The following SCMH1 variants were observed in gnomAD, a reference collection of about 807,000 sequenced individuals.
The protein encoded by SCMH1 is polycomb protein SCMH1.
SCMH1 carries 37 observed loss-of-function variants against 70.8 expected under a neutral mutation model. The observed-to-expected ratio is 0.52, with a 90% CI of 0.40 to 0.69. The LOEUF is 0.69. SCMH1 is among the 30% of genes least tolerant of loss of function. SCMH1 has a pLI of 0.00. For synonymous variants in SCMH1, 292 were observed against 307.4 expected, an observed-to-expected ratio of 0.95 and a Z score of 0.52; for missense variants, 607 against 827.3, an observed-to-expected ratio of 0.73 and a Z score of 3.27.
At position 41,161,329 on chromosome 1, in the gene SCMH1, T is replaced by C. The variant is rs529210348; in HGVS notation, c.82+35A>G. 45 of 1,546,484 alleles carry C rather than the reference T, an allele frequency of 2.9e-5. No individual in the cohort carries two copies. The South Asian group carries it at 5.2e-4, about 18-fold the overall frequency. On this transcript the variant is annotated intron_variant, in intron 3 of 14. Coordinates refer to ENST00000337495, the Ensembl canonical transcript of SCMH1. Reference sequence around the variant, plus strand: ...TTATGGGAAAAGATGCCGAGTAAAATTTTTCCACACCAAACGGAGTTTTTT... The same window carrying C: ...TTATGGGAAAAGATGCCGAGTAAAACTTTTCCACACCAAACGGAGTTTTTT...
intron 4 of SCMH1, among the ~76,000 whole-genome samples, chr1:41,158,457 G>T (rs1245477396): frequency 6.6e-6 from 1 of 152,160 alleles, no homozygotes; most frequent in Non-Finnish European, 1.5e-5. Context: ...AGTGTAAAAG[G>T]ATAAGCAGGA....
At chr1:41,085,409 C>T (rs1306333078) in intron 8 of SCMH1, among the ~76,000 whole-genome samples, 1 of 152,140 alleles carries the variant, frequency 6.6e-6, no homozygotes, top group African/African-American at 2.4e-5. Flanking sequence ...CTAAAGGAAA[C>T]ATCTTACTGG....
Position 41,028,321 on chromosome 1 carries a change from T to TG in SCMH1, c.1822-3dup. 1.8e-6 allele frequency: 2 copies of TG among 1,118,252 alleles called. No individual in the cohort carries two copies. The highest frequency in any genetic ancestry group is 2.6e-6 in the Non-Finnish European group (2 of 769,150). 69.3% of individuals were successfully genotyped at this position (1,118,252 alleles called of 1,614,324 possible). ...CAGCAGGGCCTTGCCATCGATCTCC[T>TG]GGGGGGTGGGGAGGTGGGCAGAAGT... On this transcript the variant is annotated splice_polypyrimidine_tract_variant and splice_region_variant and intron_variant, in intron 14 of 14. Transcript: ENST00000337495.
At chr1:41,192,615 A>T (rs751390329) in intron 1 of SCMH1, among the ~76,000 whole-genome samples, 24 of 151,902 alleles carry the variant, frequency 1.6e-4, no homozygotes, top group African/African-American at 5.6e-4. Context: ...ATCCTTTGCT[A>T]CTATTTAGGA....
At chr1:41,196,440 T>A (rs1048795998) in intron 1 of SCMH1, among the ~76,000 whole-genome samples, 2 of 152,128 alleles carry the variant, frequency 1.3e-5, no homozygotes, top group African/African-American at 4.8e-5. Flanking sequence ...GACCATTTAA[T>A]GGGAAAAGGA....
chr1:41,162,557 T>C (rs1309028375), intron 2 of SCMH1, among the ~76,000 whole-genome samples: 1 of 152,116 alleles, frequency 6.6e-6, no homozygotes, highest in Non-Finnish European at 1.5e-5. Context: ...AGGACGAAGA[T>C]ATGACTGAAC....
At chr1:41,044,391 C>G (rs1376889722) in intron 12 of SCMH1, among the ~76,000 whole-genome samples, 1 of 152,026 alleles carries the variant, frequency 6.6e-6, no homozygotes, top group East Asian at 1.9e-4. Context: ...CAGAAAAACA[C>G]AGGAAATGAT....
intron 2 of SCMH1, among the ~76,000 whole-genome samples, chr1:41,169,367 C>T (rs925489277): frequency 6.6e-6 from 1 of 151,996 alleles, no homozygotes; most frequent in Non-Finnish European, 1.5e-5. Context: ...TGCTATAAGC[C>T]CCTTCTGGAG....
intron 8 of SCMH1, among the ~76,000 whole-genome samples, chr1:41,099,574 G>C (rs1017131110): frequency 1.3e-5 from 2 of 152,222 alleles, no homozygotes; most frequent in Non-Finnish European, 2.9e-5. Flanking sequence ...CACTGACTTT[G>C]AAGTCAGAAA....
At chr1:41,131,198 A>C (rs570520680) in intron 6 of SCMH1, among the ~76,000 whole-genome samples, 64 of 152,214 alleles carry the variant, frequency 4.2e-4, no homozygotes, top group Non-Finnish European at 7.2e-4. Context: ...TCAATTGACC[A>C]TAAATTGGTA....
At chr1:41,182,515 G>A (rs964608783) in intron 2 of SCMH1, among the ~76,000 whole-genome samples, 1 of 152,080 alleles carries the variant, frequency 6.6e-6, no homozygotes, top group African/African-American at 2.4e-5. Flanking sequence ...CCAGGAGTTC[G>A]AGAACAGTCT....
At chr1:41,034,143 A>T (rs1005211074) in intron 13 of SCMH1, 95 bp from the exon 14 acceptor site, 2 of 1,497,984 alleles carry the variant, frequency 1.3e-6, no homozygotes, top group Non-Finnish European at 1.8e-6. Context: ...TGACTGACTC[A>T]AGTCTCAAAG....
chr1:41,197,915 T>A (rs1009424822), intron 1 of SCMH1, among the ~76,000 whole-genome samples: 3 of 152,190 alleles, frequency 2.0e-5, no homozygotes, highest in African/African-American at 7.2e-5. Flanking sequence ...CTAATAAACA[T>A]ATTCCTTTTC....
intron 1 of SCMH1, among the ~76,000 whole-genome samples, chr1:41,193,208 G>A (rs149483017): frequency 6.6e-6 from 1 of 152,236 alleles, no homozygotes; most frequent in East Asian, 1.9e-4. Context: ...GTGTTTTTAG[G>A]TATTTTTGTG....
chr1:41,180,139 A>C (rs2148590985), intron 2 of SCMH1, among the ~76,000 whole-genome samples: 1 of 152,324 alleles, frequency 6.6e-6, no homozygotes, highest in Middle Eastern at 3.4e-3. Flanking sequence ...ATAGATGCAG[A>C]AAAGGCCTTT....
rs183417988 is a variant in SCMH1, at chr1:41,137,381, T to C, written c.412+5497A>G. ...CTCCCCTGTTCAACTAAGAGCTATT[T>C]AGATTTTTAAATTTCAAGGCAGATC... On this transcript the variant is annotated intron_variant, in intron 6 of 14. Transcript: ENST00000337495. Among the ~76,000 whole-genome samples the C allele has an allele frequency of 4.9e-3, 741 of 152,272 alleles. 3 individuals carry two copies. Among genetic ancestry groups the C allele is most frequent in the Non-Finnish European group, 7.7e-3 (523 of 68,002 alleles).
chr1:41,134,985 T>C (rs1643031464), intron 6 of SCMH1, among the ~76,000 whole-genome samples: 1 of 152,236 alleles, frequency 6.6e-6, no homozygotes, highest in African/African-American at 2.4e-5. Context: ...TTGAATTCTA[T>C]TAATGATTTT....
At chr1:41,028,404 G>T in intron 14 of SCMH1, 85 bp from the exon 16 acceptor site, 1 of 1,562,548 alleles carries the variant, frequency 6.4e-7, no homozygotes, top group Non-Finnish European at 8.7e-7. Flanking sequence ...TCTGATTATA[G>T]GCCATCCTGG....
At chr1:41,097,414 C>T (rs3819842) in intron 8 of SCMH1, among the ~76,000 whole-genome samples, 45,454 of 152,030 alleles carry the variant, frequency 0.3, 7,435 homozygotes, top group African/African-American at 0.44. Flanking sequence ...TAAAGGAATG[C>T]GGCTCAAAAA....
Sources: allele counts gnomAD v4.1 joint callset (sites outside exome capture counted in the v4.1 genomes callset), GRCh38; gene constraint gnomAD v4.1.1; transcripts MANE v1.5; gene names NCBI Gene and HGNC (gene_info 2026-07-23, HGNC 2026-07-21).